FAM163A: variants seen among roughly 807,000 people sequenced by gnomAD.
FAM163A encodes the protein family with sequence similarity 163 member A, also known as protein FAM163A.
A neutral mutation model predicts 12.0 loss-of-function variants in FAM163A; 7 were observed. The ratio of observed to expected loss-of-function variants is 0.58; its 90% CI spans 0.33 to 1.10. The LOEUF is 1.10. Among genes scored for constraint, FAM163A ranks in the 50% least tolerant of loss-of-function variants. FAM163A has a pLI of 0.03. For missense variants in FAM163A, 202 were observed against 218.6 expected (o/e 0.92, Z 0.48); for synonymous variants, 101 against 91.0 (o/e 1.11, Z -0.62).
intron 2 of FAM163A, 30 bp from the exon 3 acceptor site, chr1:179,812,080 A>T (rs1694776249): frequency 2.0e-5 from 3 of 152,524 alleles, no homozygotes; most frequent in African/African-American, 7.2e-5. Context: ...CTCTTCTTCC[A>T]ACATCTCTGT....
intron 1 of FAM163A, among the ~76,000 whole-genome samples, chr1:179,747,981 C>T (rs1684737762): frequency 6.6e-6 from 1 of 151,572 alleles, no homozygotes; most frequent in Non-Finnish European, 1.5e-5. Flanking sequence ...AGGAAGAGGA[C>T]TAGGAGGAGG....
intron 1 of FAM163A, among the ~76,000 whole-genome samples, chr1:179,761,897 G>A (rs984483205): frequency 6.6e-6 from 1 of 152,046 alleles, no homozygotes; most frequent in South Asian, 2.1e-4. Flanking sequence ...AGCAGTTCTG[G>A]GAGGAATTAT....
At chr1:179,812,502 C>CCT (rs1275044384) in intron 3 of FAM163A, among the ~76,000 whole-genome samples, 9 of 152,168 alleles carry the variant, frequency 5.9e-5, no homozygotes, top group Non-Finnish European at 7.3e-5. Context: ...GAGATGTGGC[C>CCT]CTTTCCCCGC....
At chr1:179,811,009 C>T (rs775396783) in intron 2 of FAM163A, among the ~76,000 whole-genome samples, 4 of 152,054 alleles carry the variant, frequency 2.6e-5, no homozygotes, top group Non-Finnish European at 5.9e-5. Context: ...TGCCACTGCA[C>T]TCCAGACTGA....
At chr1:179,792,332 T>C (rs911045951) in intron 1 of FAM163A, among the ~76,000 whole-genome samples, 43 of 136,610 alleles carry the variant, frequency 3.1e-4, no homozygotes, top group African/African-American at 1.1e-3. Flanking sequence ...TGTGTGGAGA[T>C]TGGGTCTCTT....
At chr1:179,748,480 C>T (rs888831938) in intron 1 of FAM163A, among the ~76,000 whole-genome samples, 3 of 152,182 alleles carry the variant, frequency 2.0e-5, no homozygotes, top group Non-Finnish European at 4.4e-5. Flanking sequence ...TTAACCACAT[C>T]AAATTCAGAA....
At chr1:179,810,178 A>G (rs1694512692) in intron 2 of FAM163A, among the ~76,000 whole-genome samples, 1 of 152,184 alleles carries the variant, frequency 6.6e-6, no homozygotes, top group Non-Finnish European at 1.5e-5. Flanking sequence ...TGGAGGAGTC[A>G]AGATGTTCCC....
chr1:179,730,666 T>C, the FAM163A span, among the ~76,000 whole-genome samples: 2 of 152,236 alleles, frequency 1.3e-5, no homozygotes, highest in Non-Finnish European at 2.9e-5. Context: ...CCAGAATCTA[T>C]ATATTTTTTG....
At chr1:179,740,276 T>G (rs1355342480), upstream of FAM163A, among the ~76,000 whole-genome samples, 1 of 152,160 alleles carries the variant, frequency 6.6e-6, no homozygotes, top group Admixed American at 6.5e-5. Context: ...ACTCCTGGGT[T>G]CAAGGGATCC....
intron 1 of FAM163A, among the ~76,000 whole-genome samples, chr1:179,805,761 G>A (rs912509832): frequency 7.9e-5 from 12 of 152,110 alleles, no homozygotes; most frequent in Non-Finnish European, 1.3e-4. Flanking sequence ...ATCGAAATTC[G>A]GGGTTCTTAC....
chr1:179,788,426 G>A (rs1571486427), intron 1 of FAM163A, among the ~76,000 whole-genome samples: 1 of 152,186 alleles, frequency 6.6e-6, no homozygotes, highest in African/African-American at 2.4e-5. Context: ...GGGAAAGCCT[G>A]CTCTGAACAG....
intron 1 of FAM163A, among the ~76,000 whole-genome samples, chr1:179,807,341 T>C (rs375279348): frequency 5.9e-5 from 9 of 152,056 alleles, no homozygotes; most frequent in African/African-American, 2.2e-4. Context: ...GCCCGGGCAC[T>C]GGGAAAAATA....
chr1:179,806,333 G>A (rs1260294845), intron 1 of FAM163A, among the ~76,000 whole-genome samples: 3 of 152,242 alleles, frequency 2.0e-5, no homozygotes, highest in Non-Finnish European at 4.4e-5. Flanking sequence ...ACAGGTTAAT[G>A]TGAATGAGAA....
intron 1 of FAM163A, among the ~76,000 whole-genome samples, chr1:179,749,219 G>A (rs1684918116): frequency 6.6e-6 from 1 of 152,128 alleles, no homozygotes. Context: ...CCAAGTGGAG[G>A]GCTGATGATG....
At chr1:179,746,591 A>G (rs996917002) in intron 1 of FAM163A, among the ~76,000 whole-genome samples, 13 of 152,224 alleles carry the variant, frequency 8.5e-5, no homozygotes, top group Admixed American at 1.3e-4. Flanking sequence ...TATAGACACA[A>G]AACCTAATCA....
At chr1:179,766,100 A>G (rs1423469795) in intron 1 of FAM163A, among the ~76,000 whole-genome samples, 1 of 152,138 alleles carries the variant, frequency 6.6e-6, no homozygotes, top group Non-Finnish European at 1.5e-5. Flanking sequence ...CAGAAGCACA[A>G]GTTTTTCTCT....
chr1:179,813,013 C>T lies in FAM163A; in HGVS notation c.-22-63C>T, dbSNP rs1281429897. On this transcript the variant is annotated intron_variant, in intron 3 of 4. Transcript: ENST00000341785. ...GCCTCGGGGCAGTTCCAGGAAGACT[C>T]CCCCCGGCCCAGCCCAGGGCTGCAG... 11 of 1,449,726 alleles carry T rather than the reference C, an allele frequency of 7.6e-6. No homozygotes were observed. In the East Asian group the frequency reaches 1.0e-4, roughly 13 times the overall value. 89.8% of individuals were successfully genotyped at this position (1,449,726 alleles called of 1,614,324 possible).
chr1:179,767,493 C>A (rs1418358298), intron 1 of FAM163A, among the ~76,000 whole-genome samples: 1 of 152,192 alleles, frequency 6.6e-6, no homozygotes, highest in Non-Finnish European at 1.5e-5. Flanking sequence ...TCACATCCCC[C>A]CGCATGGCTG....
At chr1:179,783,107 C>T (rs1014330496) in intron 1 of FAM163A, among the ~76,000 whole-genome samples, 9 of 145,692 alleles carry the variant, frequency 6.2e-5, no homozygotes, top group Non-Finnish European at 1.0e-4. Flanking sequence ...CCAACCTGGG[C>T]GACAAGAGTG....
Sources: gnomAD v4.1 joint callset for allele counts (sites outside exome capture counted in the v4.1 genomes callset) on GRCh38, gnomAD v4.1.1 for gene constraint, MANE v1.5 for transcripts, NCBI Gene and HGNC (gene_info 2026-07-23, HGNC 2026-07-21) for gene names.